Variants in CFAP20DC observed in about 807,000 individuals in gnomAD.
CFAP20DC encodes the protein CFAP20 domain containing.
In CFAP20DC, 84 loss-of-function variants were observed where a neutral mutation model predicts 101.7. The observed-to-expected ratio is 0.83, with a 90% CI of 0.69 to 0.99. CFAP20DC has a LOEUF of 0.99. CFAP20DC is among the 50% of genes least tolerant of loss of function. The pLI, the probability that CFAP20DC is intolerant of heterozygous loss-of-function variation, is 0.00. For synonymous variants in CFAP20DC, 359 were observed against 351.2 expected (o/e 1.02, Z -0.25); for missense variants, 1,007 against 970.3 (o/e 1.04, Z -0.50).
intron 4 of CFAP20DC, among the ~76,000 whole-genome samples, chr3:58,981,346 G>GA (rs1304475469): frequency 6.6e-6 from 1 of 151,898 alleles, no homozygotes; most frequent in Non-Finnish European, 1.5e-5. Context: ...CACAGAATTG[G>GA]AAAAAACTAC....
At chr3:58,993,793 T>C (rs1175271347) in intron 4 of CFAP20DC, among the ~76,000 whole-genome samples, 1 of 152,226 alleles carries the variant, frequency 6.6e-6, no homozygotes, top group Non-Finnish European at 1.5e-5. Context: ...TAGTATTCCA[T>C]GGTGTATATG....
chr3:59,016,206 G>A (rs1227298371), intron 4 of CFAP20DC, among the ~76,000 whole-genome samples: 1 of 152,140 alleles, frequency 6.6e-6, no homozygotes, highest in Non-Finnish European at 1.5e-5. Context: ...TAAAAGGGAT[G>A]AAATCCTGTC....
intron 12 of CFAP20DC, among the ~76,000 whole-genome samples, chr3:58,852,222 T>C (rs888410458): frequency 6.6e-6 from 1 of 152,092 alleles, no homozygotes; most frequent in Non-Finnish European, 1.5e-5. Context: ...AGGATCTTGA[T>C]CCCACTTGTT....
At chr3:58,754,127 A>C (rs757952778) in intron 15 of CFAP20DC, among the ~76,000 whole-genome samples, 10 of 152,220 alleles carry the variant, frequency 6.6e-5, no homozygotes, top group Non-Finnish European at 1.2e-4. Flanking sequence ...TTATTAAATT[A>C]CAGCAGAGTT....
intron 16 of CFAP20DC, among the ~76,000 whole-genome samples, chr3:58,743,295 C>T (rs2067983745): frequency 1.3e-5 from 2 of 151,722 alleles, no homozygotes; most frequent in Non-Finnish European, 2.9e-5. Context: ...AACTGTTCTA[C>T]AAAGATGTTT....
chr3:58,753,993 A>T, intron 15 of CFAP20DC, 130 bp from the exon 16 acceptor site: 1 of 612,378 alleles, frequency 1.6e-6, no homozygotes, highest in South Asian at 2.3e-5. Context: ...TTTCAGAAAG[A>T]CAGATGTCCA....
At chr3:58,825,437 T>C (rs1289313177) in intron 14 of CFAP20DC, among the ~76,000 whole-genome samples, 1 of 152,112 alleles carries the variant, frequency 6.6e-6, no homozygotes, top group Non-Finnish European at 1.5e-5. Context: ...ATGGCAGAGC[T>C]GGAATTTGAG....
rs115558394 is a variant in CFAP20DC at position 58,747,286 on chromosome 3, A to G, written c.2333-4714T>C. Among the ~76,000 whole-genome samples, 42 of 152,328 alleles carry G rather than the reference A, an allele frequency of 2.8e-4. 1 individual carries two copies. The highest frequency in any genetic ancestry group is 9.4e-4 in the African/African-American group (39 of 41,582). ...TAACGGCAATAACAGAAGAAAAACC[A>G]ATGGAGCCAGACCAAATGCAGCAAT... is the stretch of plus-strand genomic sequence containing the variant. On this transcript the variant is annotated intron_variant, in intron 16 of 16. Transcript: ENST00000482387.
At chr3:58,796,757 G>C (rs1166677606) in intron 15 of CFAP20DC, among the ~76,000 whole-genome samples, 4 of 152,156 alleles carry the variant, frequency 2.6e-5, no homozygotes, top group Non-Finnish European at 4.4e-5. Context: ...ATGGCACCCT[G>C]TGTTGAGCGA....
At position 58,861,394 on chromosome 3, in the gene CFAP20DC, GGA is replaced by G. The variant is rs1347453977; in HGVS notation, c.1593+2162_1593+2163del. ...TCTAAAATAATGCAATTAATAGTAA[GGA>G]TGCCTTAATTAACTAAACTGATTTT... is the stretch of plus-strand genomic sequence containing the variant. On this transcript the variant is annotated intron_variant, in intron 12 of 16. Coordinates refer to ENST00000482387, the MANE Select transcript of CFAP20DC (RefSeq NM_001394063.1). This position sits in a 1 kb window ranked among gnomAD's most constrained non-coding sequence, Gnocchi z 4.0. 3.9e-6 allele frequency: 3 copies of G among 772,850 alleles called. No homozygotes were observed. The African/African-American group carries it at 5.7e-5, about 15-fold the overall frequency. 47.9% of individuals were successfully genotyped at this position (772,850 alleles called of 1,614,324 possible).
chr3:58,759,244 A>G (rs957678354), intron 15 of CFAP20DC, among the ~76,000 whole-genome samples: 13 of 152,148 alleles, frequency 8.5e-5, no homozygotes, highest in African/African-American at 3.1e-4. Flanking sequence ...CTGGTGTGAG[A>G]TGGTATCTCA....
intron 14 of CFAP20DC, among the ~76,000 whole-genome samples, chr3:58,830,100 C>T (rs534178577): frequency 1.3e-4 from 20 of 152,060 alleles, no homozygotes; most frequent in Non-Finnish European, 2.6e-4. Context: ...TTTTTGGCAC[C>T]AAGGCTGCCA....
intron 3 of CFAP20DC, among the ~76,000 whole-genome samples, chr3:59,045,909 T>G (rs1449199066): frequency 6.6e-6 from 1 of 152,126 alleles, no homozygotes; most frequent in Non-Finnish European, 1.5e-5. Context: ...TCATAAATAT[T>G]AAATGTTTAC....
In CFAP20DC at chr3:59,049,649, G is replaced by GGC; in HGVS notation, c.-20_-19dup. ...TTGAACATTCCCGCAGGGGGCCCAG[G>GGC]GCTTGGGGGGCACAGAGTTCAGGGT... On this transcript the variant is annotated 5_prime_UTR_variant, in exon 1 of 17. Coordinates refer to ENST00000482387, the MANE Select transcript of CFAP20DC (RefSeq NM_001394063.1). 1 of 1,535,896 alleles carries GGC rather than the reference G, an allele frequency of 6.5e-7. No homozygotes were observed. The highest frequency in any genetic ancestry group is 8.7e-7 in the Non-Finnish European group (1 of 1,146,696).
At chr3:58,937,494 G>C (rs1032522256) in intron 5 of CFAP20DC, among the ~76,000 whole-genome samples, 154 bp downstream of exon 5, 2 of 152,166 alleles carry the variant, frequency 1.3e-5, no homozygotes, top group African/African-American at 4.8e-5. Flanking sequence ...TAGATGTTAA[G>C]CTCTTTCAAG....
Position 58,728,244 on chromosome 3 carries a change from A to G in CFAP20DC, c.198-10616T>C, listed in dbSNP as rs2067583866. The G allele has an allele frequency of 6.6e-6, 1 of 152,232 alleles. No homozygotes were observed. The highest frequency in any genetic ancestry group is 2.4e-5 in the African/African-American group (1 of 41,456). 9.4% of individuals were successfully genotyped at this position (152,232 alleles called of 1,614,324 possible). A position where few individuals can be genotyped will look rare whatever the true frequency, so the allele number is the denominator to read the frequency against. ...CATGTTATTATAATTAAATAACGTA[A>G]TAATGTAATGGGACTGCCTTGAAAG... is the stretch of plus-strand genomic sequence containing the variant. On this transcript the variant is annotated intron_variant, in intron 3 of 3. Transcript: ENST00000486145. This position sits in a 1 kb window ranked among gnomAD's most constrained non-coding sequence, Gnocchi z 4.7.
chr3:58,929,853 T>C lies in CFAP20DC; in HGVS notation c.393+7795A>G, dbSNP rs373069775. On this transcript the variant is annotated intron_variant, in intron 5 of 16. Transcript: ENST00000482387. ...ACCAGAACTTCTTATTGAAGTTACT[T>C]ATGATTGCCACGCTCCCTAAATACT... Among the ~76,000 whole-genome samples the C allele has an allele frequency of 1.1e-4, 17 of 152,324 alleles. No homozygotes were observed. The South Asian group carries it at 1.9e-3, about 17-fold the overall frequency.
intron 4 of CFAP20DC, among the ~76,000 whole-genome samples, chr3:58,991,816 T>C (rs2092947947): frequency 6.6e-6 from 1 of 152,142 alleles, no homozygotes; most frequent in Non-Finnish European, 1.5e-5. Context: ...GGCCCGTTCC[T>C]AACAGGTCAC....
rs995173095 is a variant in CFAP20DC, at chr3:58,729,690, C to T, written c.198-12062G>A. Among the ~76,000 whole-genome samples the T allele has an allele frequency of 1.3e-5, 2 of 152,054 alleles. No individual in the cohort carries two copies. Among genetic ancestry groups the T allele is most frequent in the Admixed American group, 6.6e-5 (1 of 15,264 alleles). On this transcript the variant is annotated intron_variant, in intron 3 of 3. Coordinates refer to the CFAP20DC transcript ENST00000486145. This position sits in a 1 kb window ranked among gnomAD's most constrained non-coding sequence, Gnocchi z 4.4. ...ATAAGCTTTTTAGTTGTTCCCAATG[C>T]AAGGCCTGGTCTATACCAAATTAGT... is the stretch of plus-strand genomic sequence containing the variant.
Sources: gnomAD v4.1 joint callset for allele counts (sites outside exome capture counted in the v4.1 genomes callset) on GRCh38, gnomAD v4.1.1 for gene constraint, Gnocchi (gnomAD v3.1) non-coding constraint, MANE v1.5 for transcripts, NCBI Gene and HGNC (gene_info 2026-07-23, HGNC 2026-07-21) for gene names.